RELN: variants seen among roughly 807,000 people sequenced by gnomAD.
RELN encodes the protein reelin.
A neutral mutation model predicts 427.6 loss-of-function variants in RELN; 108 were observed. The observed-to-expected ratio is 0.25, with a 90% CI of 0.22 to 0.30. The LOEUF (loss-of-function observed/expected upper bound fraction) is 0.30, where lower values mean the gene tolerates loss of function less well. Ranked by LOEUF, RELN falls within the 10% of genes least tolerant of loss-of-function variation. The pLI is 1.00. For missense variants in RELN, 3,715 were observed against 4,302.8 expected (o/e 0.86, Z 3.82); for synonymous variants, 1,524 against 1,513.4 (o/e 1.01, Z -0.16).
intron 48 of RELN, among the ~76,000 whole-genome samples, chr7:103,521,128 C>T (rs1829699470): frequency 6.6e-6 from 1 of 150,540 alleles, no homozygotes; most frequent in Non-Finnish European, 1.5e-5. Flanking sequence ...AGGCGCCCGC[C>T]ACCGCGCCCG....
chr7:103,962,977 G>A (rs1317479834), intron 1 of RELN, among the ~76,000 whole-genome samples: 1 of 152,046 alleles, frequency 6.6e-6, no homozygotes, highest in Non-Finnish European at 1.5e-5. Flanking sequence ...CTGGGGAAAG[G>A]TTGAGAAAAC....
At chr7:103,712,605 T>A (rs577240687) in intron 8 of RELN, among the ~76,000 whole-genome samples, 1 of 152,346 alleles carries the variant, frequency 6.6e-6, no homozygotes, top group Non-Finnish European at 1.5e-5. Flanking sequence ...AAATGCATGA[T>A]AATTCACATA....
chr7:103,814,924 A>C (rs1792833393), intron 3 of RELN, among the ~76,000 whole-genome samples: 1 of 152,250 alleles, frequency 6.6e-6, no homozygotes, highest in African/African-American at 2.4e-5. Context: ...AGATAGTATT[A>C]TCCAAGCTAA....
chr7:103,489,203 G>GTGTGT (rs1828558083), intron 60 of RELN, among the ~76,000 whole-genome samples: 6 of 147,868 alleles, frequency 4.1e-5, no homozygotes, highest in African/African-American at 1.5e-4. Context: ...GTCATAAAGG[G>GTGTGT]GTGTGTGTGT....
chr7:103,673,872 T>C (rs2115641826), intron 11 of RELN, among the ~76,000 whole-genome samples: 1 of 152,218 alleles, frequency 6.6e-6, no homozygotes, highest in Non-Finnish European at 1.5e-5. Flanking sequence ...ACTTTTCCAT[T>C]CATCTTGCTA....
intron 19 of RELN, among the ~76,000 whole-genome samples, chr7:103,630,911 C>A (rs1355786653): frequency 7.1e-6 from 1 of 141,770 alleles, no homozygotes; most frequent in African/African-American, 2.7e-5. Flanking sequence ...ACTTCCTAAG[C>A]CAGGTGACTA....
In RELN at chr7:103,594,538, CT is replaced by C. The variant is rs35588028; in HGVS notation, c.3540-47del. 9,297 of 1,319,314 alleles carry C rather than the reference CT, an allele frequency of 7.0e-3. 3 individuals are homozygous for C. The highest frequency in any genetic ancestry group is 0.011 in the Admixed American group (563 of 49,108). 81.7% of individuals were successfully genotyped at this position (1,319,314 alleles called of 1,614,324 possible). On this transcript the variant is annotated intron_variant, in intron 25 of 64. Coordinates refer to ENST00000428762, the MANE Select transcript of RELN (RefSeq NM_005045.4). ...TACGGTTGGGAAAACAAAAGCTGTG[CT>C]TTTTTTTTTTCAGCTATTAAAACAA...
chr7:103,802,322 A>G (rs919336534), intron 3 of RELN, among the ~76,000 whole-genome samples: 1 of 152,216 alleles, frequency 6.6e-6, no homozygotes, highest in East Asian at 1.9e-4. Context: ...ACATGACTAA[A>G]TAAATCAAAG....
chr7:103,773,134 T>C (rs555949878), intron 4 of RELN, among the ~76,000 whole-genome samples: 1 of 98,408 alleles, frequency 1.0e-5, no homozygotes, highest in Non-Finnish European at 2.3e-5. Context: ...CTTTCTTTCT[T>C]TCTTTCTTTC....
chr7:103,966,727 A>G (rs1397648449), intron 1 of RELN, among the ~76,000 whole-genome samples: 1 of 152,230 alleles, frequency 6.6e-6, no homozygotes, highest in South Asian at 2.1e-4. Flanking sequence ...TTTATTTTCC[A>G]AAAACAGATA....
chr7:103,746,170 A>G (rs202200736), intron 6 of RELN, among the ~76,000 whole-genome samples: 33,003 of 151,734 alleles, frequency 0.22, 4,748 homozygotes, highest in African/African-American at 0.41. Flanking sequence ...ATGGGGAAAG[A>G]ATTCCCTATT....
rs58239018 is a variant in RELN at position 103,518,505 on chromosome 7, G to GTTTTTTTTTTTTTTTTTTTTTTTT, written c.7862+817_7862+818insAAAAAAAAAAAAAAAAAAAAAAAA. Among the ~76,000 whole-genome samples the GTTTTTTTTTTTTTTTTTTTTTTTT allele has an allele frequency of 1.3e-4, 15 of 114,356 alleles. 1 individual carries two copies. Among genetic ancestry groups the GTTTTTTTTTTTTTTTTTTTTTTTT allele is most frequent in the African/African-American group, 6.0e-4 (13 of 21,834 alleles). 75.0% of individuals were successfully genotyped at this position (114,356 alleles called of 152,430 possible). A position where few individuals can be genotyped will look rare whatever the true frequency, so the allele number is the denominator to read the frequency against. On this transcript the variant is annotated intron_variant, in intron 49 of 64. Transcript: ENST00000428762. ...ATGCCACCACACCCAGGTAATTTAAGTTTTTTTTTTTTTTGGTAAAATGTC... is the reference window on the plus strand; with the variant it reads ...ATGCCACCACACCCAGGTAATTTAAGTTTTTTTTTTTTTTTTTTTTTTTTTTTTTTTTTTTTTTGGTAAAATGTC...
chr7:103,986,728 A>AT (rs1227267544), intron 1 of RELN, among the ~76,000 whole-genome samples: 1 of 151,026 alleles, frequency 6.6e-6, no homozygotes, highest in Non-Finnish European at 1.5e-5. Flanking sequence ...AATGTGACTG[A>AT]TTTTTTCTGA....
At chr7:103,678,347 G>A (rs888882211) in intron 11 of RELN, among the ~76,000 whole-genome samples, 29 of 152,180 alleles carry the variant, frequency 1.9e-4, no homozygotes, top group African/African-American at 6.7e-4. Flanking sequence ...CCAAAGTTCA[G>A]AAAGACTCAC....
At chr7:103,811,629 G>A (rs568186281) in intron 3 of RELN, among the ~76,000 whole-genome samples, 16 of 152,276 alleles carry the variant, frequency 1.1e-4, no homozygotes, top group East Asian at 1.9e-4. Flanking sequence ...TTAATTCACC[G>A]TAAGTTATGC....
rs79510476 is a variant in RELN, at chr7:103,927,809, G to A, written c.227-10624C>T. ...ATAAGGATGAAGAAAAACTCCAGGC[G>A]TGAATAATTACCAGGAGATGTCTTG... On this transcript the variant is annotated intron_variant, in intron 1 of 64. Transcript: ENST00000428762. Among the ~76,000 whole-genome samples the A allele has an allele frequency of 2.0e-3, 298 of 152,216 alleles. 5 individuals are homozygous for A. The East Asian group carries it at 0.046, about 24-fold the overall frequency.
At chr7:103,595,730 AT>A (rs1433789676) in intron 25 of RELN, among the ~76,000 whole-genome samples, 7 of 152,202 alleles carry the variant, frequency 4.6e-5, no homozygotes, top group African/African-American at 1.7e-4. Flanking sequence ...AAATACAGAG[AT>A]TATAAAAAGT....
chr7:103,630,547 T>A (rs362645), intron 19 of RELN, among the ~76,000 whole-genome samples: 27,153 of 152,126 alleles, frequency 0.18, 3,090 homozygotes, highest in African/African-American at 0.32. Context: ...TGTGAGGTCA[T>A]CTGCTGTGTC....
chr7:103,513,591 T>A (rs1829482976), intron 50 of RELN: 1 of 152,130 alleles, frequency 6.6e-6, no homozygotes, highest in South Asian at 2.1e-4. Context: ...ATTTACAAGT[T>A]TTTTTTAAAC....
Sources: gnomAD v4.1 joint callset for allele counts (sites outside exome capture counted in the v4.1 genomes callset) on GRCh38, gnomAD v4.1.1 for gene constraint, MANE v1.5 for transcripts, NCBI Gene and HGNC (gene_info 2026-07-23, HGNC 2026-07-21) for gene names.